RIMS1: variants seen among roughly 807,000 people sequenced by gnomAD.
RIMS1 encodes regulating synaptic membrane exocytosis 1.
In RIMS1, 83 loss-of-function variants were observed where a neutral mutation model predicts 214.1. That is an observed-to-expected ratio of 0.39 (90% CI 0.32 to 0.47). The LOEUF (loss-of-function observed/expected upper bound fraction) is 0.47, where lower values mean the gene tolerates loss of function less well. Among genes scored for constraint, RIMS1 ranks in the 20% least tolerant of loss-of-function variants. The pLI, the probability that RIMS1 is intolerant of heterozygous loss-of-function variation, is 0.99. For missense variants in RIMS1, 2,050 were observed against 2,161.8 expected (o/e 0.95, Z 1.03); for synonymous variants, 793 against 786.8 (o/e 1.01, Z -0.13).
At chr6:72,012,322 C>T (rs890239683) in intron 2 of RIMS1, among the ~76,000 whole-genome samples, 1 of 151,842 alleles carries the variant, frequency 6.6e-6, no homozygotes, top group Non-Finnish European at 1.5e-5. Context: ...ACACACTGGG[C>T]CCTGTTGTAG....
chr6:72,208,603 C>T (rs935681869), intron 6 of RIMS1, among the ~76,000 whole-genome samples: 1 of 152,058 alleles, frequency 6.6e-6, no homozygotes, highest in Non-Finnish European at 1.5e-5. Context: ...TTCTGATTAT[C>T]CTTTAAATAT....
chr6:71,973,297 C>A (rs1173244219), intron 2 of RIMS1, among the ~76,000 whole-genome samples: 1 of 152,106 alleles, frequency 6.6e-6, no homozygotes, highest in Non-Finnish European at 1.5e-5. Flanking sequence ...ACCCTGAGAC[C>A]CAGAACATCA....
rs2031989213 is a variant in RIMS1, at chr6:72,097,140, G to A, written c.437G>A (p.Arg146His). Residue 146 changes from arginine (R) to histidine (H), a missense_variant, in exon 3 of 34, where the codon CGC becomes CAC. Transcript: ENST00000521978. ...AAGTTCTGTGCGCGCTGCGGAGGCC[G>A]CGTGTCTCTACGGTCAAACAACGTG... ...RTKFCARCGG[R>H]VSLRSNNEDK... is the part of the protein sequence containing the mutation. 6.2e-7 allele frequency: 1 copy of A among 1,613,756 alleles called. No individual in the cohort carries two copies. Among genetic ancestry groups the A allele is most frequent in the Admixed American group, 1.7e-5 (1 of 59,996 alleles).
chr6:72,315,543 G>A (rs2095732065), intron 28 of RIMS1, among the ~76,000 whole-genome samples: 2 of 152,128 alleles, frequency 1.3e-5, no homozygotes, highest in Non-Finnish European at 2.9e-5. Flanking sequence ...TTTGTCATAT[G>A]CGGTACATAT....
At chr6:72,165,335 G>T (rs1181817663) in intron 4 of RIMS1, among the ~76,000 whole-genome samples, 2 of 152,028 alleles carry the variant, frequency 1.3e-5, no homozygotes, top group African/African-American at 4.8e-5. Flanking sequence ...TGTAATTCCT[G>T]GCTCTCTGTT....
At chr6:72,069,450 A>G (rs967641298) in intron 2 of RIMS1, among the ~76,000 whole-genome samples, 1 of 152,250 alleles carries the variant, frequency 6.6e-6, no homozygotes, top group Admixed American at 6.5e-5. Flanking sequence ...GATAAATATC[A>G]GATTGAAATT....
rs114623002 is a variant in RIMS1 at position 72,052,885 on chromosome 6, A to T, written c.246-44064A>T. Among the ~76,000 whole-genome samples the T allele has an allele frequency of 5.5e-3, 839 of 152,308 alleles. 6 individuals carry two copies. The highest frequency in any genetic ancestry group is 0.019 in the African/African-American group (788 of 41,556). The stretch of plus-strand genomic sequence containing the variant: ...TTTAGTATGAAAAGGGAAAGCACAA[A>T]GGTTGTATTCACAAGCTGGTGGGGA... On this transcript the variant is annotated intron_variant, in intron 2 of 33. Coordinates refer to ENST00000521978, the MANE Select transcript of RIMS1 (RefSeq NM_014989.7).
intron 29 of RIMS1, among the ~76,000 whole-genome samples, chr6:72,364,615 G>A (rs907496185): frequency 6.6e-6 from 1 of 152,156 alleles, no homozygotes; most frequent in South Asian, 2.1e-4. Flanking sequence ...TGTTGGTCAG[G>A]CTCCCCTAAA....
chr6:71,919,660 T>C (rs1779436612), intron 1 of RIMS1, among the ~76,000 whole-genome samples: 1 of 152,032 alleles, frequency 6.6e-6, no homozygotes, highest in African/African-American at 2.4e-5. Flanking sequence ...CATAGCCTAT[T>C]TACATTATGG....
intron 29 of RIMS1, among the ~76,000 whole-genome samples, chr6:72,343,909 A>C (rs1191892635): frequency 6.6e-6 from 1 of 151,752 alleles, no homozygotes; most frequent in Non-Finnish European, 1.5e-5. Context: ...TCATATATAG[A>C]AACTATCAAA....
At chr6:72,360,003 C>G (rs1185493959) in intron 29 of RIMS1, among the ~76,000 whole-genome samples, 1 of 152,142 alleles carries the variant, frequency 6.6e-6, no homozygotes, top group African/African-American at 2.4e-5. Flanking sequence ...ATTTCTAACA[C>G]AAGTTGTATA....
chr6:71,966,800 G>A (rs1270254129), intron 1 of RIMS1, among the ~76,000 whole-genome samples: 3 of 152,058 alleles, frequency 2.0e-5, no homozygotes, highest in South Asian at 4.1e-4. Context: ...TGGATTACAG[G>A]CGTGAGCCAC....
intron 2 of RIMS1, among the ~76,000 whole-genome samples, chr6:72,024,054 C>G (rs1815575493): frequency 6.6e-6 from 1 of 151,998 alleles, no homozygotes; most frequent in African/African-American, 2.4e-5. Flanking sequence ...CAAAAATCAG[C>G]CTATAAAACA....
chr6:72,377,005 A>G (rs370465666), intron 29 of RIMS1, among the ~76,000 whole-genome samples: 1 of 152,230 alleles, frequency 6.6e-6, no homozygotes, highest in African/African-American at 2.4e-5. Flanking sequence ...GTACACATTC[A>G]TATATGCCAT....
At position 72,349,615 on chromosome 6, in the gene RIMS1, A is replaced by T. The variant is rs138220900; in HGVS notation, c.4366+15780A>T. ...CCTGCATTATGGAAACTGAAAATGG[A>T]TGTAAATACTCTAATGAGGAAGGAT... On this transcript the variant is annotated intron_variant, in intron 29 of 33. Transcript: ENST00000521978. Among the ~76,000 whole-genome samples, 339 of 152,102 alleles carry T rather than the reference A, an allele frequency of 2.2e-3. 2 individuals are homozygous for T. The highest frequency in any genetic ancestry group is 7.8e-3 in the African/African-American group (326 of 41,562).
At chr6:72,170,684 C>T (rs2496494) in intron 4 of RIMS1, among the ~76,000 whole-genome samples, 15,182 of 152,054 alleles carry the variant, frequency 0.1, 829 homozygotes, top group South Asian at 0.16. Flanking sequence ...ACATAAACTC[C>T]GTGGGGAGAA....
At chr6:71,997,833 G>T (rs1256979408) in intron 2 of RIMS1, among the ~76,000 whole-genome samples, 1 of 152,038 alleles carries the variant, frequency 6.6e-6, no homozygotes, top group African/African-American at 2.4e-5. Flanking sequence ...ACATATCCAG[G>T]TGACTTTTTT....
chr6:71,952,325 A>G (rs1377434607), intron 1 of RIMS1, among the ~76,000 whole-genome samples: 1 of 152,182 alleles, frequency 6.6e-6, no homozygotes, highest in African/African-American at 2.4e-5. Flanking sequence ...AAGTTCCAGT[A>G]TGTTTATTCA....
intron 29 of RIMS1, among the ~76,000 whole-genome samples, chr6:72,365,999 A>G (rs1238820553): frequency 2.0e-5 from 3 of 152,236 alleles, no homozygotes; most frequent in Non-Finnish European, 1.5e-5. Flanking sequence ...CCTCTCATGC[A>G]TGTAAAACAT....
Sources: gnomAD v4.1 joint callset for allele counts (sites outside exome capture counted in the v4.1 genomes callset) on GRCh38, gnomAD v4.1.1 for gene constraint, MANE v1.5 for transcripts, NCBI Gene and HGNC (gene_info 2026-07-23, HGNC 2026-07-21) for gene names.